Variants in C2CD5 observed in about 807,000 individuals in gnomAD.
C2CD5 encodes C2 domain-containing protein 5.
In C2CD5, 109 loss-of-function variants were observed where a neutral mutation model predicts 130.3. The observed-to-expected ratio is 0.84, with a 90% CI of 0.72 to 0.98. The LOEUF (loss-of-function observed/expected upper bound fraction) is 0.98. C2CD5 is among the 50% of genes least tolerant of loss of function. The pLI is 0.00. For synonymous variants in C2CD5, 454 were observed against 429.2 expected (o/e 1.06, Z -0.71); for missense variants, 996 against 1,261.8 (o/e 0.79, Z 3.19).
chr12:22,471,471 T>C lies in C2CD5; in HGVS notation c.2286A>G (p.Leu762=), dbSNP rs770300669. The part of the protein sequence containing the change: ...ENLLKSLYFK[L]RSMIPCCLCH... ...AAAGGCAGCAGGGGATCATAGATCG[T>C]AGTTTAAAGTACAGGCTCTACACAA... The change falls in exon 20 of 27, where the codon CTA becomes CTG. Residue 762 remains leucine, a synonymous_variant. Coordinates refer to ENST00000446597, the MANE Select transcript of C2CD5 (RefSeq NM_001286176.2). The C allele has an allele frequency of 1.3e-6, 2 of 1,594,326 alleles. No homozygotes were observed. The highest frequency in any genetic ancestry group is 1.1e-5 in the South Asian group (1 of 90,016).
At chr12:22,531,686 A>G (rs926786000) in intron 3 of C2CD5, among the ~76,000 whole-genome samples, 1 of 152,176 alleles carries the variant, frequency 6.6e-6, no homozygotes, top group Non-Finnish European at 1.5e-5. Context: ...GTTAAGAATA[A>G]CTGTTTCTAT....
chr12:22,507,668 T>C (rs1948717939), intron 9 of C2CD5, among the ~76,000 whole-genome samples: 1 of 152,126 alleles, frequency 6.6e-6, no homozygotes, highest in Non-Finnish European at 1.5e-5. Flanking sequence ...TTACACAAAT[T>C]GGATGCAAGT....
chr12:22,473,866 A>G (rs372029831), intron 16 of C2CD5, among the ~76,000 whole-genome samples: 1 of 152,136 alleles, frequency 6.6e-6, no homozygotes, highest in Non-Finnish European at 1.5e-5. Context: ...TTGACCTGAG[A>G]TATTTTCCAT....
In C2CD5 at chr12:22,544,232, G is replaced by A. The variant is rs1392657162; in HGVS notation, c.-29-53C>T. On this transcript the variant is annotated intron_variant, in intron 1 of 26. Transcript: ENST00000446597. ...CCGAGCGCGGGGCCGGCGGGAGAGG[G>A]GCGGAGGCGCGCGGGGTAACTGACA... 6.3e-6 allele frequency: 9 copies of A among 1,422,410 alleles called. No homozygotes were observed. In the African/African-American group the frequency reaches 1.0e-4, roughly 16 times the overall value. The allele number at this position is 1,422,410 out of a possible 1,614,324, so 88.1% of individuals were successfully genotyped here.
chr12:22,472,563 C>A (rs1051160520), intron 17 of C2CD5, 181 bp downstream of exon 17: 6 of 634,238 alleles, frequency 9.5e-6, no homozygotes, highest in Non-Finnish European at 1.7e-5. Flanking sequence ...ATCACTTCCA[C>A]CTAAGTTCTA....
chr12:22,492,565 C>T (rs1199396444), intron 11 of C2CD5, among the ~76,000 whole-genome samples: 1 of 152,062 alleles, frequency 6.6e-6, no homozygotes, highest in Non-Finnish European at 1.5e-5. Flanking sequence ...TGAACATAAT[C>T]ATATGTAACT....
intron 12 of C2CD5, among the ~76,000 whole-genome samples, chr12:22,488,076 G>T (rs1022769259): frequency 6.6e-6 from 1 of 151,552 alleles, no homozygotes; most frequent in African/African-American, 2.4e-5. Flanking sequence ...GATAGCATTA[G>T]GAGATAAACC....
intron 7 of C2CD5, among the ~76,000 whole-genome samples, chr12:22,520,275 T>C (rs1950155714): frequency 6.6e-6 from 1 of 152,148 alleles, no homozygotes; most frequent in African/African-American, 2.4e-5. Flanking sequence ...AGAACGCAAA[T>C]TAAAGGCAGG....
intron 22 of C2CD5, among the ~76,000 whole-genome samples, chr12:22,469,113 AG>A (rs1942586025): frequency 6.6e-6 from 1 of 152,190 alleles, no homozygotes; most frequent in South Asian, 2.1e-4. Flanking sequence ...TTTTCCCCAA[AG>A]ATTATGCAGA....
intron 10 of C2CD5, among the ~76,000 whole-genome samples, chr12:22,495,084 C>T (rs1446823195): frequency 6.6e-6 from 1 of 151,960 alleles, no homozygotes; most frequent in African/African-American, 2.4e-5. Context: ...TTAGAAAATA[C>T]CTATTTTCCC....
rs779699061 is a variant in C2CD5, at chr12:22,457,085, G to C, written c.2763C>G (p.Ser921=). 6.2e-7 allele frequency: 1 copy of C among 1,612,966 alleles called. No homozygotes were observed. Among genetic ancestry groups the C allele is most frequent in the Non-Finnish European group, 8.5e-7 (1 of 1,179,350 alleles). ...GTGTCATCTTAACAACCCCAACTGTGGAATTTGCACAAGGTGGAGCAGAAC... is the reference window on the plus strand; with the variant it reads ...GTGTCATCTTAACAACCCCAACTGTCGAATTTGCACAAGGTGGAGCAGAAC... The part of the protein sequence containing the change: ...RNRSAPPCAN[S]TVGVVKMTPL... Residue 921 remains serine (S), a synonymous_variant, in exon 25 of 27, where the codon TCC becomes TCG. Transcript: ENST00000446597.
Position 22,474,868 on chromosome 12 carries a change from T to G in C2CD5, c.1926A>C (p.Gly642=). ...NPPEISEEII[G]SPIPEPRQRS... ...GTTGCCTAGGTTCTGGGATGGGTGA[T>G]CCTATAATCTCTTCAGATATCTCCT... Residue 642 remains glycine, a synonymous_variant, in exon 16 of 27, where the codon GGA becomes GGC. Coordinates refer to ENST00000446597, the MANE Select transcript of C2CD5 (RefSeq NM_001286176.2). 1 of 1,595,150 alleles carries G rather than the reference T, an allele frequency of 6.3e-7. No homozygotes were observed. Among genetic ancestry groups the G allele is most frequent in the South Asian group, 1.1e-5 (1 of 87,972 alleles).
Position 22,449,523 on chromosome 12 carries a change from A to T in C2CD5, c.*237T>A, listed in dbSNP as rs925224038. 1 of 343,740 alleles carries T rather than the reference A, an allele frequency of 2.9e-6. No homozygotes were observed. Among genetic ancestry groups the T allele is most frequent in the African/African-American group, 2.1e-5 (1 of 47,462 alleles). The allele number at this position is 343,740 out of a possible 1,614,324, so 21.3% of individuals were successfully genotyped here. ...GTTCCATCTTTGCTACGGTTCTTTTAAAAATTTATCTTAACTTACTGAAGG... is the reference window on the plus strand; with the variant it reads ...GTTCCATCTTTGCTACGGTTCTTTTTAAAATTTATCTTAACTTACTGAAGG... On this transcript the variant is annotated 3_prime_UTR_variant, in exon 27 of 27. Coordinates refer to ENST00000446597, the MANE Select transcript of C2CD5 (RefSeq NM_001286176.2).
intron 10 of C2CD5, among the ~76,000 whole-genome samples, chr12:22,501,065 G>C (rs569932288): frequency 1.3e-5 from 2 of 152,160 alleles, no homozygotes; most frequent in East Asian, 3.9e-4. Flanking sequence ...TTTTTCTTCA[G>C]AATTATCAAG....
chr12:22,455,322 G>A (rs956442509), intron 25 of C2CD5, among the ~76,000 whole-genome samples: 6 of 151,912 alleles, frequency 3.9e-5, no homozygotes, highest in African/African-American at 1.5e-4. Context: ...TTAATTAACT[G>A]TAAGAAAACG....
chr12:22,467,295 G>A (rs1215024273), intron 22 of C2CD5, among the ~76,000 whole-genome samples: 1 of 151,966 alleles, frequency 6.6e-6, no homozygotes, highest in South Asian at 2.1e-4. Context: ...CCGGCTTCCT[G>A]AGTAGCTGGG....
At chr12:22,503,478 G>A (rs937991435) in intron 10 of C2CD5, among the ~76,000 whole-genome samples, 11 of 152,184 alleles carry the variant, frequency 7.2e-5, no homozygotes, top group Middle Eastern at 3.4e-3. Flanking sequence ...TTTTTAGTGC[G>A]TAATAATACA....
chr12:22,519,056 GCAGCCAC>G (rs1950032235), intron 7 of C2CD5: 1 of 1,474,608 alleles, frequency 6.8e-7, no homozygotes, highest in South Asian at 1.3e-5. Flanking sequence ...GCCTGCCTCT[GCAGCCAC>G]TCTGCCCGTG....
At chr12:22,486,033 CTTAAGTCCTG>C (rs1240768867) in intron 12 of C2CD5, among the ~76,000 whole-genome samples, 2 of 151,986 alleles carry the variant, frequency 1.3e-5, no homozygotes, top group African/African-American at 4.8e-5. Context: ...AGTTATTATA[CTTAAGTCCTG>C]TTAAGTCCTG....
Sources: gnomAD v4.1 joint callset for allele counts (sites outside exome capture counted in the v4.1 genomes callset) on GRCh38, gnomAD v4.1.1 for gene constraint, MANE v1.5 for transcripts, NCBI Gene and HGNC (gene_info 2026-07-23, HGNC 2026-07-21) for gene names.